The following RALGAPB variants were observed in gnomAD, a reference collection of about 807,000 sequenced individuals.
RALGAPB encodes Ral GTPase activating protein non-catalytic subunit beta, also known as ral GTPase-activating protein subunit beta.
In RALGAPB, 25 loss-of-function variants were observed where a neutral mutation model predicts 161.1. The ratio of observed to expected loss-of-function variants is 0.16; its 90% CI spans 0.11 to 0.22. RALGAPB has a LOEUF of 0.22. Among genes scored for constraint, RALGAPB ranks in the 10% least tolerant of loss-of-function variants. The probability of loss-of-function intolerance (pLI) is 1.00; values close to 1 mark genes in which losing one functional copy is unlikely to be tolerated. For synonymous variants in RALGAPB, 629 were observed against 626.1 expected (o/e 1.00, Z -0.07); for missense variants, 1,391 against 1,815.2 (o/e 0.77, Z 4.25).
At position 38,472,872 on chromosome 20, in the gene RALGAPB, C is replaced by G. The variant is rs767746083; in HGVS notation, c.-228C>G. The stretch of plus-strand genomic sequence containing the variant: ...GGAAGTTGCCTGAGCAGATCCCAGC[C>G]GGCTGGCTCGAGTGGCCTTCGTCGT... On this transcript the variant is annotated 5_prime_UTR_variant, in exon 1 of 30. Transcript: ENST00000262879. 7.5e-6 allele frequency: 3 copies of G among 398,858 alleles called. No homozygotes were observed. In the East Asian group the frequency reaches 1.1e-4, roughly 14 times the overall value. The allele number at this position is 398,858 out of a possible 1,614,324, so 24.7% of individuals were successfully genotyped here.
chr20:38,527,096 G>A (rs1433092257), intron 13 of RALGAPB, among the ~76,000 whole-genome samples: 2 of 152,186 alleles, frequency 1.3e-5, no homozygotes, highest in African/African-American at 2.4e-5. Context: ...CCCCGCTTAT[G>A]GAGCAATTGA....
chr20:38,488,305 C>A, intron 1 of RALGAPB, 98 bp from the exon 2 acceptor site: 1 of 724,364 alleles, frequency 1.4e-6, no homozygotes, highest in Non-Finnish European at 2.2e-6. Flanking sequence ...ATGTTTGCAG[C>A]ATTCTTTATC....
chr20:38,550,346 A>G (rs1299460324), intron 20 of RALGAPB, among the ~76,000 whole-genome samples: 3 of 152,240 alleles, frequency 2.0e-5, no homozygotes, highest in Non-Finnish European at 2.9e-5. Flanking sequence ...ATATTTCACT[A>G]GCATTTGAGA....
intron 20 of RALGAPB, among the ~76,000 whole-genome samples, chr20:38,549,533 T>TA (rs66699514): frequency 1.2e-3 from 162 of 138,596 alleles, no homozygotes; most frequent in Middle Eastern, 3.7e-3. Context: ...CCAGCCTAAT[T>TA]AAAAAAAAAA....
Position 38,518,105 on chromosome 20 carries a change from T to C in RALGAPB, c.1417+105T>C, listed in dbSNP as rs2086186911. 7.2e-6 allele frequency: 8 copies of C among 1,112,666 alleles called. No homozygotes were observed. The East Asian group carries it at 2.0e-4, about 28-fold the overall frequency. The allele number at this position is 1,112,666 out of a possible 1,614,324, so 68.9% of individuals were successfully genotyped here. A position where few individuals can be genotyped will look rare whatever the true frequency, so the allele number is the denominator to read the frequency against. ...GATTAATATGTATCTTAAAAAGCTC[T>C]CTGTTTCTGACCAAGCAATGTCTTG... On this transcript the variant is annotated intron_variant, in intron 9 of 29. Coordinates refer to ENST00000262879, the MANE Select transcript of RALGAPB (RefSeq NM_020336.4).
At chr20:38,537,594 T>G (rs1423301841) in intron 16 of RALGAPB, among the ~76,000 whole-genome samples, 1 of 152,222 alleles carries the variant, frequency 6.6e-6, no homozygotes, top group Admixed American at 6.5e-5. Context: ...AATTTAAAAC[T>G]GCTGTTCTTT....
At position 38,525,528 on chromosome 20, in the gene RALGAPB, TG is replaced by T. The variant is rs1263437059; in HGVS notation, c.1902+11del. Reference sequence around the variant, plus strand: ...CACAGTCAAATCTGAGGTAATGTTTTGTTAAAGTTTTTTTATATCCTATATT... The same window carrying T: ...CACAGTCAAATCTGAGGTAATGTTTTTTAAAGTTTTTTTATATCCTATATT... On this transcript the variant is annotated intron_variant, in intron 12 of 29. Coordinates refer to ENST00000262879, the MANE Select transcript of RALGAPB (RefSeq NM_020336.4). The T allele has an allele frequency of 7.7e-6, 12 of 1,562,286 alleles. No homozygotes were observed. The highest frequency in any genetic ancestry group is 9.7e-6 in the Non-Finnish European group (11 of 1,136,550).
chr20:38,475,333 A>T (rs1459004258), intron 1 of RALGAPB, among the ~76,000 whole-genome samples: 2 of 152,220 alleles, frequency 1.3e-5, no homozygotes, highest in African/African-American at 2.4e-5. Context: ...TCATGTTGTC[A>T]CAGGAATTGA....
rs2085189283 is a variant in RALGAPB, at chr20:38,488,697, TG to T, written c.186+80del. ...AGAATTTGTTTAATGTTAACTTTTTTGTTCTTTTTTCTTTGAAAAGAGCTGT... is the reference window on the plus strand; with the variant it reads ...AGAATTTGTTTAATGTTAACTTTTTTTTCTTTTTTCTTTGAAAAGAGCTGT... On this transcript the variant is annotated intron_variant, in intron 2 of 29. Coordinates refer to ENST00000262879, the MANE Select transcript of RALGAPB (RefSeq NM_020336.4). The T allele has an allele frequency of 8.5e-6, 12 of 1,408,416 alleles. No homozygotes were observed. The East Asian group carries it at 2.8e-4, about 33-fold the overall frequency. 87.2% of individuals were successfully genotyped at this position (1,408,416 alleles called of 1,614,324 possible).
In RALGAPB at chr20:38,574,895, G is replaced by A; in HGVS notation, c.4413G>A (p.Arg1471=). The A allele has an allele frequency of 6.2e-7, 1 of 1,614,082 alleles. No individual in the cohort carries two copies. Among genetic ancestry groups the A allele is most frequent in the Non-Finnish European group, 8.5e-7 (1 of 1,179,936 alleles). ...TCACCGACATTGTCAACAAGTACCG[G>A]AACAAGCAGCTGGAGCCAGAGTTTT... The part of the protein sequence containing the change: ...QKITDIVNKY[R]NKQLEPEFYT... Residue 1471 remains arginine, a synonymous_variant, in exon 30 of 30, where the codon CGG becomes CGA. Coordinates refer to ENST00000262879, the MANE Select transcript of RALGAPB (RefSeq NM_020336.4).
chr20:38,574,628 C>T (rs929831235), intron 29 of RALGAPB, 146 bp from the exon 30 acceptor site: 2 of 783,062 alleles, frequency 2.6e-6, no homozygotes, highest in African/African-American at 3.5e-5. Flanking sequence ...TATCTTAGCA[C>T]TATGTCTATC....
intron 3 of RALGAPB, among the ~76,000 whole-genome samples, chr20:38,495,793 A>C (rs893103871): frequency 5.9e-5 from 9 of 151,944 alleles, no homozygotes; most frequent in African/African-American, 2.2e-4. Flanking sequence ...AGAACTTTGG[A>C]CCCTGCCTCT....
In RALGAPB at chr20:38,562,580, G is replaced by C. The variant is rs1295018591; in HGVS notation, c.3580G>C (p.Glu1194Gln). 2.5e-6 allele frequency: 4 copies of C among 1,613,484 alleles called. No individual in the cohort carries two copies. The highest frequency in any genetic ancestry group is 3.4e-6 in the Non-Finnish European group (4 of 1,179,526). ...CAGAACTGTTCAGCCACATTTCCTA[G>C]AATTTTTGCTTTCCCTTGGCTGGTC... ...SSRTVQPHFL[E>Q]FLLSLGWSVD... The change falls in exon 24 of 30, where the codon GAA becomes CAA. Residue 1194 changes from glutamate (E) to glutamine (Q), a missense_variant. Physicochemically the swap from Glu to Gln is conservative, Grantham distance 29. Transcript: ENST00000262879.
intron 9 of RALGAPB, among the ~76,000 whole-genome samples, chr20:38,519,453 C>T (rs558331527): frequency 1.5e-4 from 23 of 152,092 alleles, no homozygotes; most frequent in Non-Finnish European, 2.5e-4. Context: ...GAGCTGTTGA[C>T]ACTGAAATCT....
chr20:38,488,333 A>G, intron 1 of RALGAPB, 70 bp from the exon 2 acceptor site: 1 of 997,142 alleles, frequency 1.0e-6, no homozygotes, highest in Non-Finnish European at 1.5e-6. Context: ...TAGTCTATAC[A>G]TCTGTTTTAT....
intron 1 of RALGAPB, among the ~76,000 whole-genome samples, chr20:38,479,829 C>T (rs929331373): frequency 6.6e-6 from 1 of 152,138 alleles, no homozygotes; most frequent in Non-Finnish European, 1.5e-5. Context: ...CCCTGTTACC[C>T]CCCTGACCGC....
At chr20:38,521,468 A>G in intron 9 of RALGAPB, 29 bp from the exon 10 acceptor site, 1 of 1,612,974 alleles carries the variant, frequency 6.2e-7, no homozygotes, top group Non-Finnish European at 8.5e-7. Flanking sequence ...TATTGCAAAT[A>G]TAATAAAACC....
chr20:38,569,891 A>G lies in RALGAPB; in HGVS notation c.3958A>G (p.Ser1320Gly). The G allele has an allele frequency of 6.2e-7, 1 of 1,612,366 alleles. No individual in the cohort carries two copies. Among genetic ancestry groups the G allele is most frequent in the Non-Finnish European group, 8.5e-7 (1 of 1,178,716 alleles). The change falls in exon 27 of 30, where the codon AGT becomes GGT. Residue 1320 changes from serine to glycine, a missense_variant. Ser to Gly is a moderately conservative substitution (Grantham distance 56, BLOSUM62 0). Coordinates refer to ENST00000262879, the MANE Select transcript of RALGAPB (RefSeq NM_020336.4). ...TGTCTTCTTCTTCTTCATGTAGCTC[A>G]GTCCCAGTTCCAGAATGAGGAAGCT... ...TDNLNSSQRL[S>G]PSSRMRKLPQ... is the part of the protein sequence containing the mutation.
At chr20:38,554,746 G>A (rs1338395960) in intron 22 of RALGAPB, among the ~76,000 whole-genome samples, 4 of 152,116 alleles carry the variant, frequency 2.6e-5, no homozygotes, top group African/African-American at 4.8e-5. Flanking sequence ...CAGCCTATAA[G>A]ATAAATATTG....
Sources: gnomAD v4.1 joint callset for allele counts (sites outside exome capture counted in the v4.1 genomes callset) on GRCh38, gnomAD v4.1.1 for gene constraint, MANE v1.5 for transcripts, NCBI Gene and HGNC (gene_info 2026-07-23, HGNC 2026-07-21) for gene names.